The following TEC variants were observed in gnomAD, a reference collection of about 807,000 sequenced individuals.
TEC encodes tec protein tyrosine kinase, also known as tyrosine-protein kinase Tec.
A neutral mutation model predicts 93.0 loss-of-function variants in TEC; 72 were observed. That is an observed-to-expected ratio of 0.77 (90% CI 0.64 to 0.94). The LOEUF is 0.94. TEC is among the 40% of genes least tolerant of loss of function. TEC has a pLI of 0.00. For missense variants in TEC, 630 were observed against 757.9 expected (o/e 0.83, Z 1.98); for synonymous variants, 249 against 247.7 (o/e 1.01, Z -0.05).
At chr4:48,256,582 G>A (rs576580957) in intron 1 of TEC, among the ~76,000 whole-genome samples, 302 of 117,574 alleles carry the variant, frequency 2.6e-3, no homozygotes, top group Non-Finnish European at 3.8e-3. Flanking sequence ...GCAACAGAGC[G>A]AGACCTTGTC....
chr4:48,264,420 A>C (rs1367414903), intron 1 of TEC, among the ~76,000 whole-genome samples: 1 of 152,176 alleles, frequency 6.6e-6, no homozygotes, highest in Non-Finnish European at 1.5e-5. Context: ...GAGGGGTTAT[A>C]TGCACATCTA....
chr4:48,170,819 G>A (rs1231085081), intron 4 of TEC, among the ~76,000 whole-genome samples: 1 of 152,194 alleles, frequency 6.6e-6, no homozygotes, highest in Non-Finnish European at 1.5e-5. Context: ...GGGAGGCCGA[G>A]GTGGGCAGAT....
At chr4:48,199,730 G>T (rs2109594048) in intron 2 of TEC, among the ~76,000 whole-genome samples, 1 of 152,138 alleles carries the variant, frequency 6.6e-6, no homozygotes, top group Non-Finnish European at 1.5e-5. Flanking sequence ...GCCTCCCAAA[G>T]TGCTGGGATT....
chr4:48,263,185 A>G lies in TEC; in HGVS notation c.-46+6567T>C, dbSNP rs537220661. ...ACTTGGTTCACATTCCAAGGAGGGC[A>G]CAAGTGGAAAGGGAAGTAAGGGTGC... On this transcript the variant is annotated intron_variant, in intron 1 of 17. Transcript: ENST00000381501. Among the ~76,000 whole-genome samples, 9 of 152,318 alleles carry G rather than the reference A, an allele frequency of 5.9e-5. No homozygotes were observed. The South Asian group carries it at 1.9e-3, about 32-fold the overall frequency.
Position 48,179,349 on chromosome 4 carries a change from TA to T in TEC, c.139-3164del, listed in dbSNP as rs1560392988. On this transcript the variant is annotated intron_variant, in intron 2 of 17. Transcript: ENST00000381501. ...TAATGACGTGGGTAGTATATATATA[TA>T]TATATATATATATATATATATATAT... 2.1e-3 allele frequency among the ~76,000 whole-genome samples: 62 copies of T among 29,010 alleles called. 1 individual carries two copies. The Middle Eastern group carries it at 0.025, about 12-fold the overall frequency. The allele number at this position is 29,010 out of a possible 152,430, so 19.0% of individuals were successfully genotyped here. A position where few individuals can be genotyped will look rare whatever the true frequency, so the allele number is the denominator to read the frequency against.
intron 1 of TEC, 145 bp from the exon 2 acceptor site, chr4:48,228,804 G>A (rs1723563145): frequency 8.8e-6 from 5 of 567,670 alleles, no homozygotes; most frequent in Admixed American, 4.0e-5. Context: ...GAATGCCTGG[G>A]GCACAAAAAT....
chr4:48,217,934 A>G (rs1723132536), intron 2 of TEC, among the ~76,000 whole-genome samples: 1 of 149,836 alleles, frequency 6.7e-6, no homozygotes. Context: ...ATTCTGTCTT[A>G]AATAGATTTC....
chr4:48,228,131 T>C (rs1375582181), intron 2 of TEC, among the ~76,000 whole-genome samples: 1 of 152,250 alleles, frequency 6.6e-6, no homozygotes, highest in Non-Finnish European at 1.5e-5. Context: ...AATATTCATA[T>C]AAAGTAATGG....
At chr4:48,191,875 G>C (rs1722104023) in intron 2 of TEC, among the ~76,000 whole-genome samples, 1 of 152,180 alleles carries the variant, frequency 6.6e-6, no homozygotes, top group South Asian at 2.1e-4. Flanking sequence ...TCAGTTCAAG[G>C]CTGCAGTGAG....
At chr4:48,234,735 G>A (rs1002424062) in intron 1 of TEC, among the ~76,000 whole-genome samples, 1 of 152,142 alleles carries the variant, frequency 6.6e-6, no homozygotes, top group African/African-American at 2.4e-5. Context: ...CATTGGGTGT[G>A]AGAGCAGGAA....
chr4:48,238,337 A>G (rs573889366), intron 1 of TEC, among the ~76,000 whole-genome samples: 2 of 152,346 alleles, frequency 1.3e-5, no homozygotes, highest in South Asian at 2.1e-4. Flanking sequence ...GCAGCAGGCT[A>G]TAACGTTTTG....
chr4:48,163,592 C>T, intron 8 of TEC, 110 bp downstream of exon 8: 1 of 676,302 alleles, frequency 1.5e-6, no homozygotes, highest in Non-Finnish European at 2.5e-6. Context: ...ATTTTAGCAC[C>T]CCCTTCAAAG....
chr4:48,144,127 A>T (rs1300220282), intron 14 of TEC, among the ~76,000 whole-genome samples: 1 of 152,148 alleles, frequency 6.6e-6, no homozygotes, highest in Non-Finnish European at 1.5e-5. Context: ...AGGCAGGAGG[A>T]TCGCTTGAAC....
intron 2 of TEC, among the ~76,000 whole-genome samples, chr4:48,182,171 G>A (rs1193784389): frequency 6.6e-6 from 1 of 151,860 alleles, no homozygotes; most frequent in African/African-American, 2.4e-5. Flanking sequence ...TGTAATCCCA[G>A]CTACTCTGGA....
intron 1 of TEC, among the ~76,000 whole-genome samples, chr4:48,245,897 G>GGTC: frequency 1.3e-5 from 2 of 152,034 alleles, no homozygotes; most frequent in Non-Finnish European, 2.9e-5. Flanking sequence ...GATCACTTGA[G>GGTC]ATCAGGAGTT....
chr4:48,245,217 A>G (rs552778638), intron 1 of TEC, among the ~76,000 whole-genome samples: 1 of 151,746 alleles, frequency 6.6e-6, no homozygotes, highest in East Asian at 1.9e-4. Context: ...CGCTTTAACC[A>G]GGGAGTCGGA....
At chr4:48,188,973 T>C (rs1721998249) in intron 2 of TEC, among the ~76,000 whole-genome samples, 1 of 152,186 alleles carries the variant, frequency 6.6e-6, no homozygotes, top group African/African-American at 2.4e-5. Flanking sequence ...TGGTTTTAGG[T>C]GGAACTTGGA....
At chr4:48,204,133 C>G (rs2109600772) in intron 2 of TEC, among the ~76,000 whole-genome samples, 1 of 152,308 alleles carries the variant, frequency 6.6e-6, no homozygotes, top group South Asian at 2.1e-4. Context: ...TGGCCCTTGA[C>G]TGGCATCTGG....
chr4:48,233,556 A>C (rs1169199137), intron 1 of TEC, among the ~76,000 whole-genome samples: 2 of 152,006 alleles, frequency 1.3e-5, no homozygotes, highest in African/African-American at 4.8e-5. Flanking sequence ...GAAAAATTAT[A>C]ATATGAATCT....
Sources: gnomAD v4.1 joint callset for allele counts (sites outside exome capture counted in the v4.1 genomes callset) on GRCh38, gnomAD v4.1.1 for gene constraint, MANE v1.5 for transcripts, NCBI Gene and HGNC (gene_info 2026-07-23, HGNC 2026-07-21) for gene names.